The following WBP2NL variants were observed in gnomAD, a reference collection of about 807,000 sequenced individuals.
WBP2NL encodes the protein postacrosomal sheath WW domain-binding protein.
Under a neutral mutation model 23.3 loss-of-function variants are expected in WBP2NL, and 27 were observed. That is an observed-to-expected ratio of 1.16 (90% CI 0.85 to 1.60). The LOEUF is 1.60. WBP2NL is among the 40% of genes most tolerant of loss of function. The pLI, the probability that WBP2NL is intolerant of heterozygous loss-of-function variation, is 0.00. For missense variants in WBP2NL, 370 were observed against 389.5 expected, an observed-to-expected ratio of 0.95 and a Z score of 0.42; for synonymous variants, 151 against 145.9, an observed-to-expected ratio of 1.03 and a Z score of -0.25.
intron 8 of WBP2NL, among the ~76,000 whole-genome samples, chr22:42,043,933 G>C (rs552857229): frequency 6.6e-6 from 1 of 152,242 alleles, no homozygotes; most frequent in Middle Eastern, 3.4e-3. Context: ...CATCATATTG[G>C]CCAGGCTGGT....
intron 8 of WBP2NL, among the ~76,000 whole-genome samples, chr22:42,053,908 G>GTCC (rs1925932759): frequency 6.6e-6 from 1 of 152,026 alleles, no homozygotes; most frequent in South Asian, 2.1e-4. Flanking sequence ...TGGAGTATAT[G>GTCC]ATTTACAAAT....
At chr22:42,035,442 G>A (rs1484741078), downstream of WBP2NL, among the ~76,000 whole-genome samples, 2 of 152,244 alleles carry the variant, frequency 1.3e-5, no homozygotes, top group Admixed American at 1.3e-4. Context: ...GCAGCATCCA[G>A]GAAGCTCTCA....
At chr22:42,051,454 C>G (rs1925835295) in intron 8 of WBP2NL, among the ~76,000 whole-genome samples, 2 of 152,102 alleles carry the variant, frequency 1.3e-5, no homozygotes, top group Non-Finnish European at 2.9e-5. Flanking sequence ...TAGTGAAAAC[C>G]CAGTGAATGT....
intron 5 of WBP2NL, among the ~76,000 whole-genome samples, chr22:42,023,762 T>C (rs1019406347): frequency 6.6e-6 from 1 of 152,146 alleles, no homozygotes; most frequent in Non-Finnish European, 1.5e-5. Context: ...CCCAAAGTGC[T>C]GGGATTACAG....
At chr22:42,013,473 T>C (rs543331761) in intron 1 of WBP2NL, among the ~76,000 whole-genome samples, 1 of 152,336 alleles carries the variant, frequency 6.6e-6, no homozygotes, top group East Asian at 1.9e-4. Context: ...CTTATCTTGT[T>C]AATTTCAAGA....
intron 8 of WBP2NL, among the ~76,000 whole-genome samples, chr22:42,047,220 T>C (rs1569454665): frequency 6.7e-6 from 1 of 149,848 alleles, no homozygotes; most frequent in Non-Finnish European, 1.5e-5. Flanking sequence ...GAGCCTAACT[T>C]TCTCTTACTG....
chr22:41,999,782 A>G (rs1239242088), intron 1 of WBP2NL, among the ~76,000 whole-genome samples: 1 of 152,166 alleles, frequency 6.6e-6, no homozygotes, highest in South Asian at 2.1e-4. Flanking sequence ...AAAAGATGGG[A>G]CTGAACAGAT....
chr22:42,039,074 A>AT (rs149508996), intron 8 of WBP2NL, among the ~76,000 whole-genome samples: 7,169 of 140,008 alleles, frequency 0.051, 575 homozygotes, highest in African/African-American at 0.17. Flanking sequence ...TTCCTGGCTA[A>AT]TTTTTTTTTT....
intron 1 of WBP2NL, 91 bp downstream of exon 1, chr22:41,998,971 T>G (rs1001309140): frequency 2.1e-6 from 3 of 1,426,630 alleles, no homozygotes; most frequent in Admixed American, 2.4e-5. Flanking sequence ...AGTCAGGGAC[T>G]TTGCCGCCTT....
chr22:42,007,688 G>T (rs928930592), intron 1 of WBP2NL, among the ~76,000 whole-genome samples: 1 of 152,096 alleles, frequency 6.6e-6, no homozygotes, highest in East Asian at 1.9e-4. Flanking sequence ...TTAACTTAGC[G>T]TAACATCCTC....
At chr22:42,004,336 G>A (rs1449399249) in intron 1 of WBP2NL, among the ~76,000 whole-genome samples, 4 of 152,192 alleles carry the variant, frequency 2.6e-5, no homozygotes, top group Non-Finnish European at 5.9e-5. Context: ...GCTGATGCCT[G>A]TAATCCCAGA....
In WBP2NL at chr22:42,023,542, G is replaced by A. The variant is rs779301607; in HGVS notation, c.514+1186G>A. ...TTTTGAGAGGGAGTCTTGCTCTGTC[G>A]CCCAGGCTGGAGTGCAGTGGCGCGA... On this transcript the variant is annotated intron_variant, in intron 5 of 5. Transcript: ENST00000328823. Among the ~76,000 whole-genome samples, 10 of 151,012 alleles carry A rather than the reference G, an allele frequency of 6.6e-5. No homozygotes were observed. In the South Asian group the frequency reaches 1.0e-3, roughly 16 times the overall value.
At position 41,998,899 on chromosome 22, in the gene WBP2NL, G is replaced by A. The variant is rs933150830; in HGVS notation, c.62+19G>A. On this transcript the variant is annotated intron_variant, in intron 1 of 5. Coordinates refer to ENST00000328823, the MANE Select transcript of WBP2NL (RefSeq NM_152613.3). ...GTGAAAGGTGCCTGAGGGGAAGCAC[G>A]GCGTGCTGTCGGAGGAGAGGAGACG... The A allele has an allele frequency of 1.9e-6, 3 of 1,604,668 alleles. No homozygotes were observed. The highest frequency in any genetic ancestry group is 2.2e-5 in the South Asian group (2 of 90,424).
intron 5 of WBP2NL, among the ~76,000 whole-genome samples, chr22:42,023,133 T>C (rs1224351800): frequency 1.3e-5 from 2 of 152,198 alleles, no homozygotes; most frequent in Non-Finnish European, 2.9e-5. Context: ...TTAGCAGTAT[T>C]TGACGTATTC....
chr22:42,049,466 G>A lies in WBP2NL; in HGVS notation c.*274-8824G>A, dbSNP rs573471297. ...AGCACTTTGGGAGGCCAAGGTGGGT[G>A]GATCACGAGGTCAGGAGATTGAGAC... On this transcript the variant is annotated intron_variant and NMD_transcript_variant, in intron 8 of 8. Transcript: ENST00000436265. Among the ~76,000 whole-genome samples the A allele has an allele frequency of 2.3e-3, 351 of 152,178 alleles. 1 individual carries two copies. Among genetic ancestry groups the A allele is most frequent in the African/African-American group, 8.3e-3 (343 of 41,518 alleles).
intron 1 of WBP2NL, among the ~76,000 whole-genome samples, chr22:42,017,685 A>G (rs1923437891): frequency 6.6e-6 from 1 of 152,166 alleles, no homozygotes. Context: ...CCTAATGATC[A>G]TTATACATTG....
In WBP2NL at chr22:42,000,654, C is replaced by T. The variant is rs141342512; in HGVS notation, c.62+1774C>T. On this transcript the variant is annotated intron_variant, in intron 1 of 5. Transcript: ENST00000328823. ...GTCAAGAATGCTCAAGATAGCCGGG[C>T]GCGGTGGCCCACGCCTGTAATCCCA... 5.2e-3 allele frequency among the ~76,000 whole-genome samples: 784 copies of T among 151,962 alleles called. 9 individuals are homozygous for T. The highest frequency in any genetic ancestry group is 0.017 in the African/African-American group (684 of 41,436).
intron 1 of WBP2NL, among the ~76,000 whole-genome samples, chr22:42,000,564 C>A (rs133307): frequency 0.43 from 65,096 of 151,946 alleles, 15,053 homozygotes; most frequent in East Asian, 0.85. Context: ...GGTCAGATGA[C>A]TATTATTGCT....
chr22:42,001,022 A>G (rs9623489), intron 1 of WBP2NL: 183,944 of 654,902 alleles, frequency 0.28, 28,637 homozygotes, highest in Admixed American at 0.42. Context: ...GATATGTCAT[A>G]TAATACAACA....
Sources: gnomAD v4.1 joint callset for allele counts (sites outside exome capture counted in the v4.1 genomes callset) on GRCh38, gnomAD v4.1.1 for gene constraint, MANE v1.5 for transcripts, NCBI Gene and HGNC (gene_info 2026-07-23, HGNC 2026-07-21) for gene names.